Variants in DCC observed in about 807,000 individuals in gnomAD.
The protein encoded by DCC is netrin receptor DCC.
In DCC, 58 loss-of-function variants were observed where a neutral mutation model predicts 172.5. The ratio of observed to expected loss-of-function variants is 0.34; its 90% CI spans 0.27 to 0.42. DCC has a LOEUF of 0.42. DCC is among the 10% of genes least tolerant of loss of function. The pLI, the probability that DCC is intolerant of heterozygous loss-of-function variation, is 1.00. For synonymous variants in DCC, 709 were observed against 644.5 expected (o/e 1.10, Z -1.52); for missense variants, 1,740 against 1,791.0 (o/e 0.97, Z 0.51).
At chr18:52,905,782 G>T (rs1193177292) in intron 2 of DCC, among the ~76,000 whole-genome samples, 6 of 152,018 alleles carry the variant, frequency 3.9e-5, no homozygotes. Flanking sequence ...TATCTACTTT[G>T]TTTATTTTAC....
chr18:52,534,514 T>C (rs2032236005), intron 1 of DCC, among the ~76,000 whole-genome samples: 2 of 152,138 alleles, frequency 1.3e-5, no homozygotes, highest in Admixed American at 6.6e-5. Flanking sequence ...TAAGTCATCT[T>C]ACATATAAAG....
At chr18:52,850,254 A>C (rs181242718) in intron 2 of DCC, among the ~76,000 whole-genome samples, 1 of 152,328 alleles carries the variant, frequency 6.6e-6, no homozygotes, top group African/African-American at 2.4e-5. Flanking sequence ...AGTTCTTCGG[A>C]AGTAAAGTTA....
intron 1 of DCC, among the ~76,000 whole-genome samples, chr18:52,394,362 G>A (rs1359241816): frequency 1.3e-5 from 2 of 151,884 alleles, no homozygotes; most frequent in African/African-American, 4.8e-5. Context: ...GAACTCCTGG[G>A]CTCAAGGGAT....
intron 10 of DCC, among the ~76,000 whole-genome samples, chr18:53,206,191 T>TATACATATATA (rs2055627753): frequency 7.1e-6 from 1 of 140,776 alleles, no homozygotes; most frequent in Non-Finnish European, 1.5e-5. Flanking sequence ...TACATATACG[T>TATACATATATA]ATACATATAT....
chr18:52,631,899 A>T (rs1174408047), intron 1 of DCC, among the ~76,000 whole-genome samples: 3 of 152,198 alleles, frequency 2.0e-5, no homozygotes, highest in Non-Finnish European at 2.9e-5. Context: ...GTCTTGTGAC[A>T]GTGGCATTAA....
intron 1 of DCC, among the ~76,000 whole-genome samples, chr18:52,346,730 C>T (rs1025299050): frequency 6.6e-6 from 1 of 152,088 alleles, no homozygotes; most frequent in Admixed American, 6.6e-5. Flanking sequence ...AGGAAACACA[C>T]AAATCATTCC....
intron 1 of DCC, among the ~76,000 whole-genome samples, chr18:52,362,246 T>A (rs1984650005): frequency 6.6e-6 from 1 of 152,258 alleles, no homozygotes; most frequent in African/African-American, 2.4e-5. Context: ...TTATTAGGTA[T>A]GTTAGCTCCA....
chr18:52,547,895 G>A (rs1661820), intron 1 of DCC, among the ~76,000 whole-genome samples: 1 of 152,060 alleles, frequency 6.6e-6, no homozygotes, highest in Non-Finnish European at 1.5e-5. Flanking sequence ...TTGCCATGTA[G>A]CCCAAAAGCC....
intron 1 of DCC, among the ~76,000 whole-genome samples, chr18:52,373,227 G>A (rs1301173968): frequency 6.6e-6 from 1 of 152,092 alleles, no homozygotes; most frequent in African/African-American, 2.4e-5. Flanking sequence ...TCCAAAAAAT[G>A]TGCATCTTTC....
chr18:53,314,418 G>A (rs34182515), intron 13 of DCC, among the ~76,000 whole-genome samples: 824 of 152,298 alleles, frequency 5.4e-3, no homozygotes, highest in Middle Eastern at 0.02. Context: ...GATAAAACTA[G>A]TGCAGTCTAT....
intron 19 of DCC, among the ~76,000 whole-genome samples, chr18:53,403,570 C>T (rs187159293): frequency 2.5e-4 from 38 of 152,196 alleles, no homozygotes; most frequent in African/African-American, 8.7e-4. Flanking sequence ...TTTAAATGAT[C>T]ACTTTAGGCT....
chr18:52,625,527 C>T (rs539157961), intron 1 of DCC, among the ~76,000 whole-genome samples: 23 of 152,210 alleles, frequency 1.5e-4, no homozygotes, highest in Non-Finnish European at 2.6e-4. Flanking sequence ...GTAGTTCTCA[C>T]TCCCTCTTTC....
At chr18:52,834,031 T>A (rs879467246) in intron 2 of DCC, among the ~76,000 whole-genome samples, 10 of 152,116 alleles carry the variant, frequency 6.6e-5, no homozygotes, top group African/African-American at 1.2e-4. Flanking sequence ...CTTGGGTACA[T>A]ACACAGCAGC....
chr18:52,853,418 C>A (rs2039006777), intron 2 of DCC, among the ~76,000 whole-genome samples: 1 of 152,152 alleles, frequency 6.6e-6, no homozygotes, highest in Non-Finnish European at 1.5e-5. Context: ...AGCGTATTGA[C>A]CAACTTTTCA....
chr18:53,091,315 C>G (rs1480839616), intron 7 of DCC, among the ~76,000 whole-genome samples: 1 of 148,088 alleles, frequency 6.8e-6, no homozygotes, highest in African/African-American at 2.5e-5. Flanking sequence ...TTTACTTTGA[C>G]CGTTCTACCA....
intron 12 of DCC, among the ~76,000 whole-genome samples, chr18:53,266,409 A>T (rs931625846): frequency 6.6e-6 from 1 of 151,888 alleles, no homozygotes; most frequent in African/African-American, 2.4e-5. Context: ...TTGTTATTTG[A>T]TTTTGCTTTT....
In DCC at chr18:52,923,754, G is replaced by T; in HGVS notation, c.745G>T (p.Val249Leu). Reference sequence around the variant, plus strand: ...GTATTTTCTGCAAAGACCATCCAATGTAGTAGCCATTGAAGGAAAAGATGC... The same window carrying T: ...GTATTTTCTGCAAAGACCATCCAATTTAGTAGCCATTGAAGGAAAAGATGC... ...QLYFLQRPSN[V>L]VAIEGKDAVL... The change falls in exon 4 of 29, where the codon GTA (valine) becomes TTA (leucine). Residue 249 changes from valine to leucine, a missense_variant. By Grantham distance (32) the Val-to-Leu change is conservative. Transcript: ENST00000442544. The T allele has an allele frequency of 3.7e-6, 6 of 1,611,744 alleles. No homozygotes were observed. Among genetic ancestry groups the T allele is most frequent in the Non-Finnish European group, 5.1e-6 (6 of 1,178,064 alleles).
intron 1 of DCC, among the ~76,000 whole-genome samples, chr18:52,532,052 A>G (rs2032165553): frequency 6.6e-6 from 1 of 152,148 alleles, no homozygotes. Context: ...TTTTTATGAC[A>G]GTGACTTAGC....
At chr18:53,264,310 A>G (rs911117134) in intron 12 of DCC, among the ~76,000 whole-genome samples, 5 of 152,022 alleles carry the variant, frequency 3.3e-5, no homozygotes, top group African/African-American at 9.6e-5. Flanking sequence ...AACATCGTAA[A>G]ACCCCATTTC....
Sources: allele counts gnomAD v4.1 joint callset (sites outside exome capture counted in the v4.1 genomes callset), GRCh38; gene constraint gnomAD v4.1.1; transcripts MANE v1.5; gene names NCBI Gene and HGNC (gene_info 2026-07-23, HGNC 2026-07-21).